SDK2: variants seen among roughly 807,000 people sequenced by gnomAD.
SDK2 encodes the protein protein sidekick-2.
Under a neutral mutation model 253.9 loss-of-function variants are expected in SDK2, and 105 were observed. The observed-to-expected ratio is 0.41, with a 90% confidence interval of 0.35 to 0.49. The LOEUF (loss-of-function observed/expected upper bound fraction) is 0.49. SDK2 is among the 20% of genes least tolerant of loss of function. The probability of loss-of-function intolerance (pLI) is 0.06; values close to 1 mark genes in which losing one functional copy is unlikely to be tolerated. For missense variants in SDK2, 2,608 were observed against 3,003.0 expected (o/e 0.87, Z 3.07); for synonymous variants, 1,249 against 1,234.9 (o/e 1.01, Z -0.24).
At chr17:73,601,789 G>C (rs1292599380) in intron 1 of SDK2, among the ~76,000 whole-genome samples, 2 of 151,984 alleles carry the variant, frequency 1.3e-5, no homozygotes, top group African/African-American at 4.8e-5. Flanking sequence ...TTTCGCCCAG[G>C]CTGGAGTGCA....
chr17:73,626,025 C>G (rs1885548719), intron 1 of SDK2, among the ~76,000 whole-genome samples: 1 of 152,140 alleles, frequency 6.6e-6, no homozygotes, highest in Admixed American at 6.5e-5. Flanking sequence ...GGGCTATACC[C>G]CCTTTCCGAG....
rs144668928 is a variant in SDK2 at position 73,430,523 on chromosome 17, C to T, written c.1571G>A (p.Arg524Gln). The change falls in exon 12 of 45, where the codon CGA becomes CAA. Residue 524 changes from arginine to glutamine, a missense_variant. Physicochemically the swap from Arg to Gln is conservative, Grantham distance 43. Coordinates refer to ENST00000392650, the MANE Select transcript of SDK2 (RefSeq NM_001144952.2). ...GCAGAGCCAGTACCTGATGGTTACT[C>T]GGGGGTCGTGGGTCACTCCGCACAC... ...SMVCGVTHDP[R>Q]VTIRYIWEKD... The T allele has an allele frequency of 1.9e-5, 30 of 1,607,524 alleles. No individual in the cohort carries two copies. The African/African-American group carries it at 1.9e-4, about 10-fold the overall frequency.
intron 1 of SDK2, among the ~76,000 whole-genome samples, chr17:73,593,016 G>A (rs2045705086): frequency 6.7e-6 from 1 of 150,196 alleles, no homozygotes; most frequent in Admixed American, 6.6e-5. Flanking sequence ...GAGTTCAGCC[G>A]GTCCAGCCAG....
At chr17:73,549,645 C>G (rs34294944) in intron 1 of SDK2, among the ~76,000 whole-genome samples, 4,702 of 151,900 alleles carry the variant, frequency 0.031, 110 homozygotes, top group Non-Finnish European at 0.049. Context: ...GGGAGTCAGC[C>G]AAGCAGAGAT....
Position 73,379,425 on chromosome 17 carries a change from C to T in SDK2, c.4864+23G>A, listed in dbSNP as rs781498828. On this transcript the variant is annotated intron_variant, in intron 35 of 44. Transcript: ENST00000392650. This position sits in a 1 kb window ranked among gnomAD's most constrained non-coding sequence, Gnocchi z 4.5. ...GGGGCTGGGAAAGGCATGCTGGGGC[C>T]GGACAGGGCGGGCGCTGCTCACCTG... is the stretch of plus-strand genomic sequence containing the variant. 63 of 1,569,264 alleles carry T rather than the reference C, an allele frequency of 4.0e-5. 1 individual carries two copies. The highest frequency in any genetic ancestry group is 1.3e-4 in the South Asian group (11 of 86,116).
At chr17:73,553,701 C>A (rs895619119) in intron 1 of SDK2, among the ~76,000 whole-genome samples, 2 of 152,156 alleles carry the variant, frequency 1.3e-5, no homozygotes, top group Admixed American at 6.5e-5. Flanking sequence ...CACCCCCAAA[C>A]CCCCACCCTT....
intron 29 of SDK2, among the ~76,000 whole-genome samples, chr17:73,388,610 C>T (rs1357148845): frequency 1.3e-5 from 2 of 152,204 alleles, no homozygotes; most frequent in Non-Finnish European, 2.9e-5. Context: ...GCCAGTAGCA[C>T]TCCCACACTG....
intron 2 of SDK2, among the ~76,000 whole-genome samples, chr17:73,476,781 T>C (rs2063689150): frequency 1.3e-5 from 2 of 152,168 alleles, no homozygotes; most frequent in African/African-American, 4.8e-5. Context: ...CAGCCAGGAA[T>C]ACCCAGGTCC....
In SDK2 at chr17:73,618,226, C is replaced by A. The variant is rs1190471790; in HGVS notation, c.64+25799G>T. ...CCTGTAAATGACGCAGCTCTTATAC[C>A]TAGGAGTGTCCCTCTTAATTAGACC... On this transcript the variant is annotated intron_variant, in intron 1 of 44. Coordinates refer to ENST00000392650, the MANE Select transcript of SDK2 (RefSeq NM_001144952.2). This position sits in a 1 kb window ranked among gnomAD's most constrained non-coding sequence, Gnocchi z 4.1. Among the ~76,000 whole-genome samples, 3 of 152,204 alleles carry A rather than the reference C, an allele frequency of 2.0e-5. No individual in the cohort carries two copies. Among genetic ancestry groups the A allele is most frequent in the Non-Finnish European group, 4.4e-5 (3 of 68,042 alleles).
chr17:73,582,658 C>T (rs554868938), intron 1 of SDK2, among the ~76,000 whole-genome samples: 3 of 152,316 alleles, frequency 2.0e-5, no homozygotes, highest in Admixed American at 6.5e-5. Context: ...TAGGGAGAGG[C>T]TGTGTCCTGA....
rs192593930 is a variant in SDK2 at position 73,356,358 on chromosome 17, T to A, written c.5593+1721A>T. Among the ~76,000 whole-genome samples, 4 of 152,276 alleles carry A rather than the reference T, an allele frequency of 2.6e-5. No homozygotes were observed. The East Asian group carries it at 5.8e-4, about 22-fold the overall frequency. On this transcript the variant is annotated intron_variant, in intron 40 of 44. Transcript: ENST00000392650. ...CGGGCCAGGCCAGAAGCTGCTGGAA[T>A]GTCACGCTGGGGCTCTAGCCGCCAG... is the stretch of plus-strand genomic sequence containing the variant.
At chr17:73,529,990 G>C (rs1007959819) in intron 1 of SDK2, among the ~76,000 whole-genome samples, 8 of 152,194 alleles carry the variant, frequency 5.3e-5, no homozygotes, top group Admixed American at 5.2e-4. Flanking sequence ...GCCCAGTGGG[G>C]TTAAGTGAAA....
chr17:73,427,268 C>T (rs2063290894), intron 12 of SDK2, among the ~76,000 whole-genome samples: 1 of 152,142 alleles, frequency 6.6e-6, no homozygotes, highest in Non-Finnish European at 1.5e-5. Context: ...AACAGGTTAA[C>T]AACACTGTGA....
At position 73,334,659 on chromosome 17, in the gene SDK2, A is replaced by AAC. The variant is rs892530904; in HGVS notation, c.*3926_*3927dup. The AAC allele has an allele frequency of 1.3e-5, 2 of 152,240 alleles. No individual in the cohort carries two copies. Among genetic ancestry groups the AAC allele is most frequent in the African/African-American group, 4.8e-5 (2 of 41,462 alleles). The allele number at this position is 152,240 out of a possible 1,614,324, so 9.4% of individuals were successfully genotyped here. Reference sequence around the variant, plus strand: ...GGAGTCTAGATGGATGGAGAAAGGTAACACGTTTAAATGCTTTTGGTTATT... The same window carrying AAC: ...GGAGTCTAGATGGATGGAGAAAGGTAACACACGTTTAAATGCTTTTGGTTATT... On this transcript the variant is annotated 3_prime_UTR_variant, in exon 45 of 45. Transcript: ENST00000392650.
chr17:73,503,167 T>C (rs8082038), intron 2 of SDK2, among the ~76,000 whole-genome samples: 88,720 of 151,936 alleles, frequency 0.58, 26,193 homozygotes, highest in Non-Finnish European at 0.62. Context: ...CTCATGGCAA[T>C]TAAAGGTCAC....
Position 73,358,078 on chromosome 17 carries a change from C to T in SDK2, c.5593+1G>A. On this transcript the variant is annotated splice_donor_variant, in intron 40 of 44. Transcript: ENST00000392650. LOFTEE classifies it high-confidence loss of function. ...TCTCAGCCCAGCAGGGCGGGGCGCA[C>T]CTGAAGGTCTGGCCTCGATGACGTA... 6.2e-7 allele frequency: 1 copy of T among 1,613,104 alleles called. No individual in the cohort carries two copies. Among genetic ancestry groups the T allele is most frequent in the Non-Finnish European group, 8.5e-7 (1 of 1,179,750 alleles).
rs2063840175 is a variant in SDK2, at chr17:73,496,133, G to T, written c.224+11305C>A. Among the ~76,000 whole-genome samples, 1 of 152,202 alleles carries T rather than the reference G, an allele frequency of 6.6e-6. No homozygotes were observed. On this transcript the variant is annotated intron_variant, in intron 2 of 44. Coordinates refer to ENST00000392650, the MANE Select transcript of SDK2 (RefSeq NM_001144952.2). This position sits in a 1 kb window ranked among gnomAD's most constrained non-coding sequence, Gnocchi z 4.7. The stretch of plus-strand genomic sequence containing the variant: ...GTGGGAGGAGCCTGCCCTGCTGGGT[G>T]GGAGTCAGCGTCATGCCCTTGGTGG...
chr17:73,483,605 G>GTA (rs535927721), intron 2 of SDK2, among the ~76,000 whole-genome samples: 1 of 132,322 alleles, frequency 7.6e-6, no homozygotes, highest in African/African-American at 2.9e-5. Flanking sequence ...ATATGTATGT[G>GTA]TATATATATG....
chr17:73,418,328 A>G (rs992758587), intron 16 of SDK2, among the ~76,000 whole-genome samples: 2 of 152,130 alleles, frequency 1.3e-5, no homozygotes, highest in African/African-American at 4.8e-5. Flanking sequence ...TTAAAAGCAA[A>G]GGTTTCTAAG....
Sources: allele counts gnomAD v4.1 joint callset (sites outside exome capture counted in the v4.1 genomes callset), GRCh38; gene constraint gnomAD v4.1.1; non-coding constraint Gnocchi (gnomAD v3.1); transcripts MANE v1.5; gene names NCBI Gene and HGNC (gene_info 2026-07-23, HGNC 2026-07-21).